Variants in DPP10 observed in about 807,000 individuals in gnomAD.
The protein encoded by DPP10 is dipeptidyl peptidase like 10, also known as inactive dipeptidyl peptidase 10.
DPP10 carries 33 observed loss-of-function variants against 120.9 expected under a neutral mutation model. The ratio of observed to expected loss-of-function variants is 0.27; its 90% CI spans 0.21 to 0.37. The LOEUF is 0.37. Among genes scored for constraint, DPP10 ranks in the 10% least tolerant of loss-of-function variants. The pLI, the probability that DPP10 is intolerant of heterozygous loss-of-function variation, is 1.00. For synonymous variants in DPP10, 337 were observed against 326.1 expected, an observed-to-expected ratio of 1.03 and a Z score of -0.36; for missense variants, 816 against 942.8, an observed-to-expected ratio of 0.87 and a Z score of 1.76.
At chr2:114,857,449 G>C (rs945961133) in intron 1 of DPP10, among the ~76,000 whole-genome samples, 24 of 152,072 alleles carry the variant, frequency 1.6e-4, no homozygotes, top group African/African-American at 5.8e-4. Flanking sequence ...ATAAGATATT[G>C]GTTCAGACCC....
intron 11 of DPP10, among the ~76,000 whole-genome samples, chr2:115,759,686 C>CAT (rs1409492053): frequency 1.5e-5 from 2 of 129,250 alleles, no homozygotes; most frequent in African/African-American, 2.9e-5. Context: ...TACACACACA[C>CAT]ATATATATAC....
chr2:115,006,991 A>T (rs1383853015), intron 1 of DPP10, among the ~76,000 whole-genome samples: 1 of 152,106 alleles, frequency 6.6e-6, no homozygotes, highest in Non-Finnish European at 1.5e-5. Flanking sequence ...CAGCAAATGT[A>T]AAAGAACAGA....
intron 3 of DPP10, among the ~76,000 whole-genome samples, chr2:115,379,327 A>G (rs1285898511): frequency 6.6e-6 from 1 of 152,098 alleles, no homozygotes; most frequent in Admixed American, 6.5e-5. Context: ...TAGATTTTCT[A>G]GTTTATTTGT....
intron 1 of DPP10, among the ~76,000 whole-genome samples, chr2:114,659,254 G>A (rs1186484570): frequency 2.0e-5 from 3 of 152,274 alleles, no homozygotes; most frequent in African/African-American, 7.2e-5. Context: ...TATGTGGCAG[G>A]AGGGTTTCAG....
intron 1 of DPP10, among the ~76,000 whole-genome samples, chr2:114,467,753 A>G (rs1679533399): frequency 6.6e-6 from 1 of 152,128 alleles, no homozygotes; most frequent in Admixed American, 6.6e-5. Context: ...TAATCCCAGC[A>G]CTTTAGGAGG....
rs1345795982 is a variant in DPP10 at position 114,861,360 on chromosome 2, C to A, written c.60+418522C>A. Among the ~76,000 whole-genome samples the A allele has an allele frequency of 7.9e-5, 12 of 151,356 alleles. No individual in the cohort carries two copies. The South Asian group carries it at 1.9e-3, about 24-fold the overall frequency. ...CCAAACCTCGAGTACCATGGCTCAG[C>A]AGTCTACACCATGAAGACTATGGCG... On this transcript the variant is annotated intron_variant, in intron 1 of 25. Transcript: ENST00000410059.
At chr2:114,616,241 A>G (rs1004732747) in intron 1 of DPP10, among the ~76,000 whole-genome samples, 1 of 152,114 alleles carries the variant, frequency 6.6e-6, no homozygotes, top group Non-Finnish European at 1.5e-5. Flanking sequence ...TCCCATTACA[A>G]TTGACAGAGT....
intron 5 of DPP10, among the ~76,000 whole-genome samples, chr2:115,661,311 C>T (rs1264676373): frequency 6.6e-6 from 1 of 152,014 alleles, no homozygotes; most frequent in Non-Finnish European, 1.5e-5. Context: ...CTTTGACTAG[C>T]CTTTCTATAG....
intron 1 of DPP10, among the ~76,000 whole-genome samples, chr2:115,067,559 C>T: frequency 5.0e-5 from 7 of 140,386 alleles, no homozygotes; most frequent in African/African-American, 1.8e-4. Flanking sequence ...GCCAGAATTT[C>T]CTCTTTTTAA....
chr2:115,431,410 G>A (rs1043280918), intron 3 of DPP10, among the ~76,000 whole-genome samples: 1 of 152,086 alleles, frequency 6.6e-6, no homozygotes, highest in African/African-American at 2.4e-5. Context: ...AATCCCAACA[G>A]AAACTCTTGC....
At chr2:115,831,246 C>CTTTA (rs1345384737) in intron 21 of DPP10, among the ~76,000 whole-genome samples, 1 of 151,896 alleles carries the variant, frequency 6.6e-6, no homozygotes, top group Non-Finnish European at 1.5e-5. Context: ...TTCTTTCTTT[C>CTTTA]TTTCTTTCTT....
chr2:114,452,430 T>C (rs1027559563), intron 1 of DPP10, among the ~76,000 whole-genome samples: 4 of 152,178 alleles, frequency 2.6e-5, no homozygotes, highest in African/African-American at 9.6e-5. Context: ...GTGCATTTGA[T>C]GTGCTGTGTT....
At chr2:115,355,239 T>C (rs2064295588) in intron 3 of DPP10, among the ~76,000 whole-genome samples, 1 of 152,214 alleles carries the variant, frequency 6.6e-6, no homozygotes, top group Non-Finnish European at 1.5e-5. Flanking sequence ...CTTAACTTTT[T>C]AATAATTGCC....
At chr2:115,744,164 C>T (rs2149708877) in intron 9 of DPP10, among the ~76,000 whole-genome samples, 1 of 150,594 alleles carries the variant, frequency 6.6e-6, no homozygotes, top group East Asian at 1.9e-4. Flanking sequence ...ATATAGGTTT[C>T]AGGTGGGGTC....
rs192491301 is a variant in DPP10 at position 114,608,215 on chromosome 2, A to G, written c.60+165377A>G. On this transcript the variant is annotated intron_variant, in intron 1 of 25. Coordinates refer to ENST00000410059, the MANE Select transcript of DPP10 (RefSeq NM_020868.6). Reference sequence around the variant, plus strand: ...TTCTGAGCAGACAAATACGCAGGAAATAATAAGAGACTAACAGAAGATAAC... The same window carrying G: ...TTCTGAGCAGACAAATACGCAGGAAGTAATAAGAGACTAACAGAAGATAAC... 1.1e-4 allele frequency among the ~76,000 whole-genome samples: 16 copies of G among 151,852 alleles called. No homozygotes were observed. In the East Asian group the frequency reaches 2.3e-3, roughly 22 times the overall value.
At chr2:115,729,668 G>A (rs921312868) in intron 8 of DPP10, among the ~76,000 whole-genome samples, 1 of 152,102 alleles carries the variant, frequency 6.6e-6, no homozygotes, top group Non-Finnish European at 1.5e-5. Context: ...TGAAGTGAGA[G>A]GATTGTTAAT....
chr2:114,752,975 C>G (rs1441562116), intron 1 of DPP10, among the ~76,000 whole-genome samples: 2 of 152,170 alleles, frequency 1.3e-5, no homozygotes, highest in Non-Finnish European at 2.9e-5. Flanking sequence ...CTGTGAGCAT[C>G]CCTTGATGGG....
intron 1 of DPP10, among the ~76,000 whole-genome samples, chr2:114,855,174 A>G (rs1159022598): frequency 1.9e-4 from 29 of 152,206 alleles, no homozygotes; most frequent in Admixed American, 1.9e-3. Flanking sequence ...ATACAAAGAA[A>G]CGACATATTA....
chr2:114,906,225 T>C (rs892397232), intron 1 of DPP10, among the ~76,000 whole-genome samples: 3 of 142,960 alleles, frequency 2.1e-5, no homozygotes, highest in East Asian at 3.9e-4. Flanking sequence ...TAAAAATATA[T>C]ACAAAAAAAT....
Sources: gnomAD v4.1 joint callset for allele counts (sites outside exome capture counted in the v4.1 genomes callset) on GRCh38, gnomAD v4.1.1 for gene constraint, MANE v1.5 for transcripts, NCBI Gene and HGNC (gene_info 2026-07-23, HGNC 2026-07-21) for gene names.